The following ECHDC1 variants were observed in gnomAD, a reference collection of about 807,000 sequenced individuals.
ECHDC1 encodes the protein ethylmalonyl-CoA decarboxylase 1.
In ECHDC1, 29 loss-of-function variants were observed where a neutral mutation model predicts 29.7. The ratio of observed to expected loss-of-function variants is 0.98; its 90% CI spans 0.73 to 1.33. ECHDC1 has a LOEUF of 1.33. Ranked by LOEUF, ECHDC1 falls within the 40% of genes most tolerant of loss-of-function variation. ECHDC1 has a pLI of 0.00. For missense variants in ECHDC1, 328 were observed against 350.0 expected (o/e 0.94, Z 0.50); for synonymous variants, 126 against 123.1 (o/e 1.02, Z -0.15).
At chr6:127,332,559 T>C (rs1469108284) in intron 1 of ECHDC1, among the ~76,000 whole-genome samples, 1 of 152,014 alleles carries the variant, frequency 6.6e-6, no homozygotes. Flanking sequence ...AACTCTAAAC[T>C]TCTGTGGGGG....
chr6:127,331,055 G>T, intron 1 of ECHDC1, 25 bp from the exon 2 acceptor site: 1 of 1,581,444 alleles, frequency 6.3e-7, no homozygotes. Flanking sequence ...TAAGTATGCG[G>T]TAGTATAGAT....
intron 5 of ECHDC1, among the ~76,000 whole-genome samples, chr6:127,306,324 G>A (rs987141115): frequency 2.0e-5 from 3 of 152,114 alleles, no homozygotes; most frequent in South Asian, 2.1e-4. Context: ...GAGCTAAAGT[G>A]AGAGATAGGC....
At chr6:127,304,389 C>T (rs529636651) in intron 5 of ECHDC1, among the ~76,000 whole-genome samples, 2 of 152,134 alleles carry the variant, frequency 1.3e-5, no homozygotes, top group African/African-American at 2.4e-5. Flanking sequence ...ACAACACCTA[C>T]GTCCTTCTGA....
At chr6:127,293,461 T>A (rs569271713) in intron 5 of ECHDC1, among the ~76,000 whole-genome samples, 2 of 152,220 alleles carry the variant, frequency 1.3e-5, no homozygotes, top group African/African-American at 2.4e-5. Context: ...TGGCTACATA[T>A]CCACACATTG....
At chr6:127,330,633 GTTAC>G (rs1454922363) in intron 2 of ECHDC1, among the ~76,000 whole-genome samples, 172 bp downstream of exon 2, 4 of 152,202 alleles carry the variant, frequency 2.6e-5, no homozygotes, top group South Asian at 2.1e-4. Flanking sequence ...ATCATTAAAA[GTTAC>G]TTAAAGTGTT....
chr6:127,323,147 G>C (rs1209722321), intron 3 of ECHDC1, among the ~76,000 whole-genome samples: 1 of 152,002 alleles, frequency 6.6e-6, no homozygotes, highest in Non-Finnish European at 1.5e-5. Context: ...TTTTTGTTTA[G>C]AGTTGGGTTC....
intron 3 of ECHDC1, among the ~76,000 whole-genome samples, chr6:127,317,017 A>G (rs1782443691): frequency 6.6e-6 from 1 of 152,124 alleles, no homozygotes; most frequent in African/African-American, 2.4e-5. Flanking sequence ...ACTTTCTTCA[A>G]TCCAGTGTAA....
intron 5 of ECHDC1, among the ~76,000 whole-genome samples, chr6:127,293,860 A>G (rs1780386651): frequency 1.3e-5 from 2 of 152,152 alleles, no homozygotes; most frequent in Non-Finnish European, 2.9e-5. Flanking sequence ...AAATCCCATA[A>G]TCTCTAAAAT....
intron 1 of ECHDC1, among the ~76,000 whole-genome samples, chr6:127,338,592 T>C (rs541456256): frequency 2.6e-5 from 4 of 152,260 alleles, no homozygotes; most frequent in African/African-American, 9.6e-5. Flanking sequence ...TCAAGCAACA[T>C]ACCAGCTCTG....
At chr6:127,337,708 T>A (rs1368341239) in intron 1 of ECHDC1, among the ~76,000 whole-genome samples, 1 of 152,176 alleles carries the variant, frequency 6.6e-6, no homozygotes, top group Non-Finnish European at 1.5e-5. Context: ...GTTTGACTGT[T>A]CGCATCAACA....
intron 5 of ECHDC1, among the ~76,000 whole-genome samples, chr6:127,298,333 T>TG (rs397734318): frequency 6.6e-6 from 1 of 152,024 alleles, no homozygotes; most frequent in Non-Finnish European, 1.5e-5. Context: ...TGCTTTTTTT[T>TG]GCCAAAAGTT....
intron 5 of ECHDC1, among the ~76,000 whole-genome samples, chr6:127,301,359 T>G (rs1781040859): frequency 6.6e-6 from 1 of 152,188 alleles, no homozygotes; most frequent in Non-Finnish European, 1.5e-5. Context: ...GTACTTCCAT[T>G]GGCATGGATG....
chr6:127,290,125 G>A lies in ECHDC1; in HGVS notation c.650C>T (p.Ala217Val). The A allele has an allele frequency of 1.2e-6, 2 of 1,613,642 alleles. No individual in the cohort carries two copies. The highest frequency in any genetic ancestry group is 2.2e-5 in the East Asian group (1 of 44,838). ...CTCTTCAACCATTCCTATGTTTAGA[G>A]CATTTTTTGAATCCAGTTTAAGGGC... ...SGALKLDSKN[A>V]LNIGMVEEVL... Residue 217 changes from alanine (A) to valine (V), a missense_variant, in exon 6 of 6, where the codon GCT (alanine) becomes GTT (valine). Ala to Val is a moderately conservative substitution (Grantham distance 64). Coordinates refer to ENST00000454859, the MANE Select transcript of ECHDC1 (RefSeq NM_001002030.2).
At chr6:127,302,380 T>G (rs1220653087) in intron 5 of ECHDC1, among the ~76,000 whole-genome samples, 1 of 152,124 alleles carries the variant, frequency 6.6e-6, no homozygotes, top group Non-Finnish European at 1.5e-5. Flanking sequence ...TAATGCACAC[T>G]TGCATGTAGC....
At chr6:127,342,141 C>T (rs1337394717) in intron 1 of ECHDC1, among the ~76,000 whole-genome samples, 3 of 152,210 alleles carry the variant, frequency 2.0e-5, no homozygotes, top group Admixed American at 2.0e-4. Context: ...ATAAAGTCCC[C>T]TTATTGTCTG....
intron 2 of ECHDC1, among the ~76,000 whole-genome samples, chr6:127,327,409 G>A (rs1783449792): frequency 6.6e-6 from 1 of 152,112 alleles, no homozygotes; most frequent in Non-Finnish European, 1.5e-5. Flanking sequence ...TGATTATGTA[G>A]AAGAATAAGA....
intron 5 of ECHDC1, among the ~76,000 whole-genome samples, chr6:127,298,051 A>C (rs1379524686): frequency 1.3e-5 from 2 of 152,230 alleles, no homozygotes; most frequent in Non-Finnish European, 2.9e-5. Flanking sequence ...GAACTAATGT[A>C]AGTAACTTTT....
chr6:127,307,677 A>G (rs1327543552), intron 5 of ECHDC1, among the ~76,000 whole-genome samples: 1 of 149,726 alleles, frequency 6.7e-6, no homozygotes, highest in Non-Finnish European at 1.5e-5. Context: ...GAAAGAAAAT[A>G]ATACAAAAGA....
chr6:127,336,747 C>T lies in ECHDC1; in HGVS notation c.-2-5717G>A, dbSNP rs72961085. ...AATTCAAGTCTACGGAAAATGGAAG[C>T]GGGGAAAAGTTTTACAAATAAAATG... is the stretch of plus-strand genomic sequence containing the variant. On this transcript the variant is annotated intron_variant, in intron 1 of 5. Transcript: ENST00000454859. Among the ~76,000 whole-genome samples, 10 of 151,778 alleles carry T rather than the reference C, an allele frequency of 6.6e-5. No homozygotes were observed. The East Asian group carries it at 1.4e-3, about 21-fold the overall frequency.
Sources: allele counts gnomAD v4.1 joint callset (sites outside exome capture counted in the v4.1 genomes callset), GRCh38; gene constraint gnomAD v4.1.1; transcripts MANE v1.5; gene names NCBI Gene and HGNC (gene_info 2026-07-23, HGNC 2026-07-21).